NDUFS4: variants seen among roughly 807,000 people sequenced by gnomAD.
The protein encoded by NDUFS4 is NADH:ubiquinone oxidoreductase subunit S4, also known as NADH dehydrogenase [ubiquinone] iron-sulfur protein 4, mitochondrial.
NDUFS4 carries 28 observed loss-of-function variants against 24.3 expected under a neutral mutation model. That is an observed-to-expected ratio of 1.15 (90% CI 0.85 to 1.58). The LOEUF (loss-of-function observed/expected upper bound fraction) is 1.58. Ranked by LOEUF, NDUFS4 falls within the 40% of genes most tolerant of loss-of-function variation. NDUFS4 has a pLI of 0.00. For synonymous variants in NDUFS4, 93 were observed against 69.7 expected (o/e 1.34, Z -1.67); for missense variants, 223 against 207.9 (o/e 1.07, Z -0.45).
intron 2 of NDUFS4, among the ~76,000 whole-genome samples, chr5:53,637,132 G>A (rs563263371): frequency 2.7e-4 from 41 of 152,252 alleles, no homozygotes; most frequent in Non-Finnish European, 4.4e-4. Flanking sequence ...AAAGCCTCTC[G>A]AGACTAGAAG....
chr5:53,562,994 C>T (rs941791774), intron 1 of NDUFS4, among the ~76,000 whole-genome samples: 13 of 152,034 alleles, frequency 8.6e-5, no homozygotes, highest in African/African-American at 3.1e-4. Context: ...CTTTGGGAGG[C>T]CGAGGCGGGC....
At chr5:53,610,417 C>A (rs423872) in intron 2 of NDUFS4, among the ~76,000 whole-genome samples, 2 of 151,860 alleles carry the variant, frequency 1.3e-5, no homozygotes, top group Non-Finnish European at 2.9e-5. Context: ...ATAACACATA[C>A]AATGCAAAAG....
intron 2 of NDUFS4, among the ~76,000 whole-genome samples, chr5:53,619,364 C>T (rs1433261615): frequency 1.4e-5 from 2 of 145,088 alleles, no homozygotes; most frequent in African/African-American, 2.5e-5. Context: ...GTGGCGGGTG[C>T]TTGTAGTCCC....
chr5:53,682,655 A>C (rs1275432845), intron 4 of NDUFS4, among the ~76,000 whole-genome samples: 1 of 152,074 alleles, frequency 6.6e-6, no homozygotes, highest in Non-Finnish European at 1.5e-5. Flanking sequence ...ACCCATACAC[A>C]CGTACATATA....
chr5:53,599,752 T>A (rs1164910962), intron 1 of NDUFS4, among the ~76,000 whole-genome samples: 4 of 152,092 alleles, frequency 2.6e-5, no homozygotes. Context: ...ACAGTATATT[T>A]AGTTTTGATG....
chr5:53,593,911 G>A (rs997911107), intron 1 of NDUFS4, among the ~76,000 whole-genome samples: 1 of 152,066 alleles, frequency 6.6e-6, no homozygotes, highest in Non-Finnish European at 1.5e-5. Context: ...AGCTTGCATT[G>A]TGTGGTTTCT....
chr5:53,645,942 GCAAA>G (rs1328982035), intron 2 of NDUFS4, among the ~76,000 whole-genome samples: 2 of 152,226 alleles, frequency 1.3e-5, no homozygotes, highest in East Asian at 1.9e-4. Flanking sequence ...TCTTCTGCGA[GCAAA>G]CAGTCTCTTC....
chr5:53,653,194 C>A (rs1379427512), intron 3 of NDUFS4, among the ~76,000 whole-genome samples: 2 of 151,994 alleles, frequency 1.3e-5, no homozygotes, highest in Non-Finnish European at 1.5e-5. Context: ...ATCTGTCATT[C>A]AGCTTCTGGA....
intron 3 of NDUFS4, among the ~76,000 whole-genome samples, chr5:53,649,258 A>G (rs1475683293): frequency 1.3e-5 from 2 of 152,130 alleles, no homozygotes; most frequent in Admixed American, 6.6e-5. Flanking sequence ...TGTTACATGA[A>G]TATATTGGGT....
chr5:53,645,092 G>T (rs191361243), intron 2 of NDUFS4, among the ~76,000 whole-genome samples: 1 of 151,928 alleles, frequency 6.6e-6, no homozygotes, highest in Admixed American at 6.6e-5. Flanking sequence ...ATTCACAGAC[G>T]TTTTCTAGTT....
intron 2 of NDUFS4, among the ~76,000 whole-genome samples, chr5:53,639,993 G>T (rs1260202363): frequency 6.6e-6 from 1 of 152,040 alleles, no homozygotes; most frequent in Non-Finnish European, 1.5e-5. Flanking sequence ...AAATTTTTAG[G>T]TGAGTTAGTG....
At chr5:53,674,602 A>G (rs764539723) in intron 4 of NDUFS4, among the ~76,000 whole-genome samples, 13 of 152,272 alleles carry the variant, frequency 8.5e-5, no homozygotes, top group South Asian at 4.1e-4. Flanking sequence ...GCTTGACTCC[A>G]CTAGCCTTAA....
At chr5:53,587,259 A>G (rs959573890) in intron 1 of NDUFS4, among the ~76,000 whole-genome samples, 2 of 152,084 alleles carry the variant, frequency 1.3e-5, no homozygotes, top group Non-Finnish European at 2.9e-5. Flanking sequence ...TATTTAAGAA[A>G]ATATATTATT....
At chr5:53,678,921 G>C (rs1412747921) in intron 4 of NDUFS4, among the ~76,000 whole-genome samples, 2 of 152,060 alleles carry the variant, frequency 1.3e-5, no homozygotes, top group African/African-American at 4.8e-5. Flanking sequence ...TTACATTCGA[G>C]TATAGTGGGA....
intron 2 of NDUFS4, among the ~76,000 whole-genome samples, chr5:53,619,419 G>A (rs113852279): frequency 2.1e-5 from 3 of 145,870 alleles, no homozygotes; most frequent in Non-Finnish European, 4.5e-5. Context: ...CCCAGAAGGC[G>A]GAGGTTGCAG....
At chr5:53,660,005 CT>C (rs141107369) in intron 4 of NDUFS4, among the ~76,000 whole-genome samples, 14,139 of 151,020 alleles carry the variant, frequency 0.094, 786 homozygotes, top group Middle Eastern at 0.14. Context: ...TATTAATAGA[CT>C]TTTTTTTTAT....
chr5:53,640,687 G>A (rs1228874838), intron 2 of NDUFS4, among the ~76,000 whole-genome samples: 2 of 152,090 alleles, frequency 1.3e-5, no homozygotes, highest in African/African-American at 2.4e-5. Context: ...ATTTGTGAGG[G>A]ATCTGCTCCA....
intron 2 of NDUFS4, among the ~76,000 whole-genome samples, chr5:53,628,727 A>C (rs979289941): frequency 2.0e-5 from 3 of 152,048 alleles, no homozygotes; most frequent in African/African-American, 7.2e-5. Context: ...GGTGATATCC[A>C]CTTTATTGTT....
rs1446811603 is a variant in NDUFS4 at position 53,683,279 on chromosome 5, T to C, written c.*58T>C. ...AATAAAGTCAGCTGTGCAGTATTTA[T>C]AGTCCATGTATAATAAATACATCTC... On this transcript the variant is annotated 3_prime_UTR_variant, in exon 5 of 5. Transcript: ENST00000296684. The C allele has an allele frequency of 8.4e-7, 1 of 1,191,988 alleles. No homozygotes were observed. 73.8% of individuals were successfully genotyped at this position (1,191,988 alleles called of 1,614,324 possible).
Sources: gnomAD v4.1 joint callset for allele counts (sites outside exome capture counted in the v4.1 genomes callset) on GRCh38, gnomAD v4.1.1 for gene constraint, MANE v1.5 for transcripts, NCBI Gene and HGNC (gene_info 2026-07-23, HGNC 2026-07-21) for gene names.